Variants in SLC24A3 observed in about 807,000 individuals in gnomAD.
The protein encoded by SLC24A3 is solute carrier family 24 member 3, also known as sodium/potassium/calcium exchanger 3.
A neutral mutation model predicts 75.8 loss-of-function variants in SLC24A3; 28 were observed. That is an observed-to-expected ratio of 0.37 (90% confidence interval 0.27 to 0.51). The LOEUF (loss-of-function observed/expected upper bound fraction) is 0.51. Ranked by LOEUF, SLC24A3 falls within the 20% of genes least tolerant of loss-of-function variation. The pLI is 0.94. For missense variants in SLC24A3, 663 were observed against 847.8 expected, an observed-to-expected ratio of 0.78 and a Z score of 2.71; for synonymous variants, 372 against 334.1, an observed-to-expected ratio of 1.11 and a Z score of -1.24.
chr20:19,245,487 G>A (rs1045369536), intron 1 of SLC24A3, among the ~76,000 whole-genome samples: 1 of 152,142 alleles, frequency 6.6e-6, no homozygotes, highest in Admixed American at 6.5e-5. Context: ...TATTTTTGAA[G>A]AAGACAGTCA....
intron 2 of SLC24A3, among the ~76,000 whole-genome samples, chr20:19,361,287 G>T (rs554130545): frequency 6.6e-6 from 1 of 152,212 alleles, no homozygotes; most frequent in South Asian, 2.1e-4. Context: ...CCAGATCTTT[G>T]TTGGGAAAAG....
At chr20:19,310,558 C>T (rs1984434689) in intron 2 of SLC24A3, among the ~76,000 whole-genome samples, 2 of 152,188 alleles carry the variant, frequency 1.3e-5, no homozygotes, top group Non-Finnish European at 2.9e-5. Flanking sequence ...TCTGGAAGGT[C>T]CGGGTTGCTT....
intron 2 of SLC24A3, among the ~76,000 whole-genome samples, chr20:19,451,247 G>A (rs547591425): frequency 6.6e-6 from 1 of 152,278 alleles, no homozygotes; most frequent in South Asian, 2.1e-4. Flanking sequence ...GGAGCTAGTG[G>A]CAGGATATCA....
intron 2 of SLC24A3, among the ~76,000 whole-genome samples, chr20:19,309,897 G>A (rs946548053): frequency 1.3e-5 from 2 of 152,066 alleles, no homozygotes; most frequent in African/African-American, 2.4e-5. Flanking sequence ...AAGCTTTCAC[G>A]CCCCAGGAGT....
chr20:19,650,257 A>G (rs1234514609), intron 6 of SLC24A3, among the ~76,000 whole-genome samples: 3 of 152,298 alleles, frequency 2.0e-5, no homozygotes, highest in Non-Finnish European at 4.4e-5. Context: ...AAACTATTCT[A>G]TTTATAAAGA....
At chr20:19,417,853 T>C (rs1008974993) in intron 2 of SLC24A3, among the ~76,000 whole-genome samples, 1 of 152,140 alleles carries the variant, frequency 6.6e-6, no homozygotes, top group African/African-American at 2.4e-5. Flanking sequence ...CTCTACATAC[T>C]GAATGGTGAG....
At chr20:19,256,569 C>T (rs1264455912) in intron 1 of SLC24A3, among the ~76,000 whole-genome samples, 4 of 151,854 alleles carry the variant, frequency 2.6e-5, no homozygotes, top group Non-Finnish European at 1.5e-5. Context: ...AGGAGTTTAA[C>T]ACCAGCCTGG....
chr20:19,580,909 T>A (rs1039169767), intron 4 of SLC24A3, among the ~76,000 whole-genome samples: 2 of 152,178 alleles, frequency 1.3e-5, no homozygotes, highest in Admixed American at 6.5e-5. Context: ...CTCCCCTGAG[T>A]ACCTGATCCA....
intron 9 of SLC24A3, among the ~76,000 whole-genome samples, chr20:19,676,534 T>G (rs2032526061): frequency 6.6e-6 from 1 of 152,220 alleles, no homozygotes; most frequent in African/African-American, 2.4e-5. Flanking sequence ...TTTATAAAAT[T>G]GCATGCTTCA....
chr20:19,328,259 G>C (rs957029446), intron 2 of SLC24A3, among the ~76,000 whole-genome samples: 4 of 151,724 alleles, frequency 2.6e-5, no homozygotes, highest in Non-Finnish European at 4.4e-5. Flanking sequence ...AGGTCGTGGG[G>C]AACCAGGTCT....
chr20:19,361,698 A>G (rs562183356), intron 2 of SLC24A3, among the ~76,000 whole-genome samples: 92 of 152,366 alleles, frequency 6.0e-4, no homozygotes, highest in African/African-American at 2.1e-3. Context: ...TGAAGTATTC[A>G]GGGAAAAGTG....
chr20:19,302,118 C>T (rs1984210040), intron 2 of SLC24A3, among the ~76,000 whole-genome samples: 1 of 152,196 alleles, frequency 6.6e-6, no homozygotes, highest in Non-Finnish European at 1.5e-5. Flanking sequence ...ATCTCAGCTA[C>T]ACCTAAGTGC....
chr20:19,335,600 C>T (rs1416425293), intron 2 of SLC24A3, among the ~76,000 whole-genome samples: 2 of 152,122 alleles, frequency 1.3e-5, no homozygotes, highest in African/African-American at 4.8e-5. Flanking sequence ...AGCTCAATGC[C>T]CATATTTGAA....
intron 2 of SLC24A3, among the ~76,000 whole-genome samples, chr20:19,326,604 G>A (rs1984870056): frequency 7.2e-6 from 1 of 139,378 alleles, no homozygotes; most frequent in Admixed American, 7.6e-5. Flanking sequence ...TTGAGATAGT[G>A]TCTCCCTTGG....
chr20:19,630,500 T>G (rs960189746), intron 6 of SLC24A3, among the ~76,000 whole-genome samples: 1 of 152,204 alleles, frequency 6.6e-6, no homozygotes, highest in African/African-American at 2.4e-5. Context: ...TGAAATTAAA[T>G]AACAAGTTAG....
intron 8 of SLC24A3, among the ~76,000 whole-genome samples, chr20:19,671,327 G>T (rs994381387): frequency 5.9e-5 from 9 of 152,208 alleles, no homozygotes; most frequent in African/African-American, 2.2e-4. Context: ...AGAAGAAAAG[G>T]CCAGGATTTG....
intron 3 of SLC24A3, among the ~76,000 whole-genome samples, chr20:19,571,174 G>A (rs549656167): frequency 3.9e-5 from 6 of 152,272 alleles, no homozygotes; most frequent in Admixed American, 6.5e-5. Context: ...GTTCCCACCT[G>A]TGAGGCTGGA....
chr20:19,481,554 G>A (rs1232708075), intron 2 of SLC24A3, among the ~76,000 whole-genome samples: 1 of 152,164 alleles, frequency 6.6e-6, no homozygotes, highest in Non-Finnish European at 1.5e-5. Context: ...ACTTCAGCTG[G>A]GTGCCTGGAG....
chr20:19,596,050 C>T (rs1405365664), intron 6 of SLC24A3, among the ~76,000 whole-genome samples: 4 of 152,006 alleles, frequency 2.6e-5, no homozygotes, highest in Admixed American at 6.6e-5. Flanking sequence ...AGCCAGGGGC[C>T]GATCATGTCC....
Sources: gnomAD v4.1 joint callset for allele counts (sites outside exome capture counted in the v4.1 genomes callset) on GRCh38, gnomAD v4.1.1 for gene constraint, MANE v1.5 for transcripts, NCBI Gene and HGNC (gene_info 2026-07-23, HGNC 2026-07-21) for gene names.